Variants in PAQR8 observed in about 807,000 individuals in gnomAD.
PAQR8 encodes progestin and adipoQ receptor family member 8, also known as membrane progestin receptor beta.
A neutral mutation model predicts 25.2 loss-of-function variants in PAQR8; 17 were observed. The ratio of observed to expected loss-of-function variants is 0.67; its 90% CI spans 0.46 to 1.01. PAQR8 has a LOEUF of 1.01. Ranked by LOEUF, PAQR8 falls within the 50% of genes least tolerant of loss-of-function variation. The probability of loss-of-function intolerance (pLI) is 0.00; values close to 1 mark genes in which losing one functional copy is unlikely to be tolerated. For missense variants in PAQR8, 392 were observed against 448.4 expected, an observed-to-expected ratio of 0.87 and a Z score of 1.14; for synonymous variants, 204 against 190.6, an observed-to-expected ratio of 1.07 and a Z score of -0.58.
intron 1 of PAQR8, among the ~76,000 whole-genome samples, chr6:52,395,508 C>T (rs1250036653): frequency 1.3e-5 from 2 of 152,184 alleles, no homozygotes; most frequent in East Asian, 1.9e-4. Context: ...TCCATGGGCA[C>T]TTCAAACTCA....
chr6:52,383,342 T>A (rs77583758), intron 1 of PAQR8, among the ~76,000 whole-genome samples: 5,222 of 152,338 alleles, frequency 0.034, 135 homozygotes, highest in Non-Finnish European at 0.057. Context: ...ACATGACCCT[T>A]GGCAAGAAAT....
At chr6:52,373,341 G>A (rs1291581416) in intron 1 of PAQR8, among the ~76,000 whole-genome samples, 1 of 152,220 alleles carries the variant, frequency 6.6e-6, no homozygotes, top group Non-Finnish European at 1.5e-5. Flanking sequence ...ACAATGAAAA[G>A]GACTTAATAG....
rs1763899130 is a variant in PAQR8 at position 52,405,647 on chromosome 6, A to G, written c.*1369A>G. On this transcript the variant is annotated 3_prime_UTR_variant, in exon 2 of 2. Coordinates refer to ENST00000442253, the MANE Select transcript of PAQR8 (RefSeq NM_133367.5). ...AGAAGCCCTCTTTTCAGAGGCAATG[A>G]TTCCTGTCAGTATGAGGTCCCTTAG... The G allele has an allele frequency of 6.0e-6, 1 of 167,112 alleles. No homozygotes were observed. The highest frequency in any genetic ancestry group is 2.4e-5 in the African/African-American group (1 of 41,466). The allele number at this position is 167,112 out of a possible 1,614,324, so 10.4% of individuals were successfully genotyped here. A position where few individuals can be genotyped will look rare whatever the true frequency, so the allele number is the denominator to read the frequency against.
rs562307065 is a variant in PAQR8, at chr6:52,404,334, GA to G, written c.*57del. The G allele has an allele frequency of 4.8e-4, 686 of 1,421,048 alleles. No individual in the cohort carries two copies. The highest frequency in any genetic ancestry group is 6.4e-4 in the Admixed American group (25 of 39,058). The allele number at this position is 1,421,048 out of a possible 1,614,324, so 88.0% of individuals were successfully genotyped here. Reference sequence around the variant, plus strand: ...GCCCCTCATAATTTGGAGAAAACTTGATACAATAGAAGCTGACTTTTAAGGC... The same window carrying G: ...GCCCCTCATAATTTGGAGAAAACTTGTACAATAGAAGCTGACTTTTAAGGC... On this transcript the variant is annotated 3_prime_UTR_variant, in exon 2 of 2. Transcript: ENST00000442253.
intron 1 of PAQR8, among the ~76,000 whole-genome samples, chr6:52,382,657 CATT>C (rs1763575139): frequency 6.6e-6 from 1 of 151,816 alleles, no homozygotes; most frequent in South Asian, 2.1e-4. Context: ...TTTATTGTAT[CATT>C]ATATGTAGAT....
At chr6:52,381,983 A>G (rs945389540) in intron 1 of PAQR8, among the ~76,000 whole-genome samples, 5 of 152,184 alleles carry the variant, frequency 3.3e-5, no homozygotes, top group Non-Finnish European at 7.3e-5. Flanking sequence ...TGATAGCAGT[A>G]CTTGGTAGCA....
At chr6:52,398,856 G>A (rs771945848) in intron 1 of PAQR8, among the ~76,000 whole-genome samples, 2 of 152,154 alleles carry the variant, frequency 1.3e-5, no homozygotes, top group East Asian at 1.9e-4. Context: ...TCCCTGGCTG[G>A]GAAATTTAAG....
intron 1 of PAQR8, among the ~76,000 whole-genome samples, chr6:52,369,818 CA>C (rs1240215444): frequency 6.6e-6 from 1 of 152,156 alleles, no homozygotes; most frequent in African/African-American, 2.4e-5. Flanking sequence ...TTTATTCCTG[CA>C]CTTAAGCAAG....
intron 1 of PAQR8, among the ~76,000 whole-genome samples, chr6:52,388,228 CAGCT>C (rs1763655373): frequency 6.6e-6 from 1 of 151,810 alleles, no homozygotes; most frequent in Non-Finnish European, 1.5e-5. Flanking sequence ...ATACAAAAAT[CAGCT>C]AGGTGTGGTG....
chr6:52,366,865 T>C (rs896106503), intron 1 of PAQR8, among the ~76,000 whole-genome samples: 2 of 152,218 alleles, frequency 1.3e-5, no homozygotes, highest in African/African-American at 4.8e-5. Flanking sequence ...TTATCCTGCC[T>C]CAGCCTCCTG....
intron 1 of PAQR8, among the ~76,000 whole-genome samples, chr6:52,388,790 T>C (rs945385402): frequency 6.6e-6 from 1 of 152,198 alleles, no homozygotes; most frequent in Non-Finnish European, 1.5e-5. Context: ...GAGGGCTTAA[T>C]AAGACATGAT....
At position 52,404,401 on chromosome 6, in the gene PAQR8, T is replaced by C. The variant is rs3799272; in HGVS notation, c.*123T>C. The C allele has an allele frequency of 0.06, 57,962 of 960,352 alleles. 1,970 individuals carry two copies. Among genetic ancestry groups the C allele is most frequent in the South Asian group, 0.078 (4,265 of 54,852 alleles). The allele number at this position is 960,352 out of a possible 1,614,324, so 59.5% of individuals were successfully genotyped here. ...AATACATATATCCAAGGATATGTTA[T>C]AGCTGCAGTGTTTGAAAGCCAAAGG... On this transcript the variant is annotated 3_prime_UTR_variant, in exon 2 of 2. Transcript: ENST00000442253.
At chr6:52,398,259 T>C (rs1367861295) in intron 1 of PAQR8, among the ~76,000 whole-genome samples, 1 of 148,124 alleles carries the variant, frequency 6.8e-6, no homozygotes, top group Non-Finnish European at 1.5e-5. Flanking sequence ...CACGCTGGAG[T>C]GCAATGGCGT....
At chr6:52,399,786 A>G (rs1016237712) in intron 1 of PAQR8, among the ~76,000 whole-genome samples, 2 of 152,158 alleles carry the variant, frequency 1.3e-5, no homozygotes, top group African/African-American at 4.8e-5. Context: ...GACTATATCT[A>G]AAGAATAGAG....
At chr6:52,390,920 C>T (rs911177600) in intron 1 of PAQR8, among the ~76,000 whole-genome samples, 4 of 152,134 alleles carry the variant, frequency 2.6e-5, no homozygotes, top group Admixed American at 6.5e-5. Flanking sequence ...ATATTTATGT[C>T]AAATATTCCT....
chr6:52,376,247 G>A (rs1763483782), intron 1 of PAQR8, among the ~76,000 whole-genome samples: 1 of 152,174 alleles, frequency 6.6e-6, no homozygotes, highest in Non-Finnish European at 1.5e-5. Context: ...AATGGCTTAG[G>A]CCAGTCCGTA....
At chr6:52,387,046 C>G (rs1763640894) in intron 1 of PAQR8, among the ~76,000 whole-genome samples, 2 of 152,102 alleles carry the variant, frequency 1.3e-5, no homozygotes, top group South Asian at 4.1e-4. Context: ...GAGTCTCACT[C>G]TGTCACCCAG....
intron 1 of PAQR8, among the ~76,000 whole-genome samples, chr6:52,400,810 G>A (rs570595463): frequency 1.3e-5 from 2 of 152,218 alleles, no homozygotes; most frequent in South Asian, 4.1e-4. Flanking sequence ...CTACATGTCT[G>A]TCTCCCCAGT....
At chr6:52,388,328 T>G (rs538360806) in intron 1 of PAQR8, among the ~76,000 whole-genome samples, 13 of 151,590 alleles carry the variant, frequency 8.6e-5, no homozygotes, top group Admixed American at 6.6e-4. Context: ...GTGAGCTGAG[T>G]TGGCATCACT....
Sources: gnomAD v4.1 joint callset for allele counts (sites outside exome capture counted in the v4.1 genomes callset) on GRCh38, gnomAD v4.1.1 for gene constraint, MANE v1.5 for transcripts, NCBI Gene and HGNC (gene_info 2026-07-23, HGNC 2026-07-21) for gene names.